The following UBA6 variants were observed in gnomAD, a reference collection of about 807,000 sequenced individuals.
UBA6 encodes ubiquitin like modifier activating enzyme 6.
Under a neutral mutation model 148.3 loss-of-function variants are expected in UBA6, and 87 were observed. The observed-to-expected ratio is 0.59, with a 90% CI of 0.49 to 0.70. The LOEUF is 0.70. Ranked by LOEUF, UBA6 falls within the 30% of genes least tolerant of loss-of-function variation. The pLI is 0.00. For synonymous variants in UBA6, 376 were observed against 401.0 expected, an observed-to-expected ratio of 0.94 and a Z score of 0.75; for missense variants, 1,186 against 1,241.2, an observed-to-expected ratio of 0.96 and a Z score of 0.67.
Position 67,677,656 on chromosome 4 carries a change from A to T in UBA6, c.420T>A (p.Val140=). ...NPYVHVTSSS[V]PFNETTDLSF... Reference sequence around the variant, plus strand: ...AGAGATCTGTGGTCTCATTGAAAGGAACAGAAGATGATGTGACATGAACGT... The same window carrying T: ...AGAGATCTGTGGTCTCATTGAAAGGTACAGAAGATGATGTGACATGAACGT... Residue 140 remains valine, a synonymous_variant, in exon 6 of 33, where the codon GTT becomes GTA. Coordinates refer to ENST00000322244, the MANE Select transcript of UBA6 (RefSeq NM_018227.6). The T allele has an allele frequency of 6.2e-7, 1 of 1,606,672 alleles. No individual in the cohort carries two copies. Among genetic ancestry groups the T allele is most frequent in the Non-Finnish European group, 8.5e-7 (1 of 1,174,158 alleles).
chr4:67,622,513 T>C (rs182630785), intron 32 of UBA6, among the ~76,000 whole-genome samples: 4 of 152,328 alleles, frequency 2.6e-5, no homozygotes, highest in Admixed American at 2.0e-4. Context: ...ATTTGTTGAA[T>C]AAATGAACAA....
At chr4:67,700,870 C>G in intron 1 of UBA6, among the ~76,000 whole-genome samples, 179 bp downstream of exon 1, 1 of 152,214 alleles carries the variant, frequency 6.6e-6, no homozygotes, top group East Asian at 1.9e-4. Context: ...CCGGCAACAG[C>G]AGAGGCCCTA....
chr4:67,673,869 T>TAA (rs1215624860), intron 6 of UBA6, 92 bp from the exon 7 acceptor site: 1 of 789,738 alleles, frequency 1.3e-6, no homozygotes, highest in Non-Finnish European at 2.0e-6. Flanking sequence ...TGCGTTGTGC[T>TAA]AAAGACACAT....
At chr4:67,663,538 T>C (rs1729916035) in intron 11 of UBA6, 2 of 349,614 alleles carry the variant, frequency 5.7e-6, no homozygotes, top group Non-Finnish European at 1.0e-5. Context: ...CAAGGCTTTT[T>C]TGGTAAGAAA....
intron 9 of UBA6, 148 bp from the exon 10 acceptor site, chr4:67,665,440 T>G (rs1331322683): frequency 1.8e-5 from 10 of 544,218 alleles, no homozygotes; most frequent in South Asian, 1.8e-4. Context: ...TGTTTTTTTT[T>G]TTTTTTAATG....
chr4:67,648,064 C>T (rs1358011432), intron 14 of UBA6, among the ~76,000 whole-genome samples: 3 of 151,614 alleles, frequency 2.0e-5, no homozygotes, highest in Non-Finnish European at 2.9e-5. Flanking sequence ...TGAGCCACTG[C>T]GCCTGCCTTA....
At chr4:67,683,242 T>C (rs1730482710) in intron 2 of UBA6, among the ~76,000 whole-genome samples, 1 of 152,216 alleles carries the variant, frequency 6.6e-6, no homozygotes, top group Admixed American at 6.5e-5. Flanking sequence ...ACCACCCTTA[T>C]GCGTACCCAG....
At chr4:67,635,615 A>G in intron 19 of UBA6, 57 bp from the exon 20 acceptor site, 1 of 1,041,486 alleles carries the variant, frequency 9.6e-7, no homozygotes, top group Non-Finnish European at 1.5e-6. Context: ...AATGTAACCA[A>G]AGGACAACCT....
intron 1 of UBA6, among the ~76,000 whole-genome samples, chr4:67,697,862 A>C (rs1730877350): frequency 6.6e-6 from 1 of 152,206 alleles, no homozygotes; most frequent in Non-Finnish European, 1.5e-5. Context: ...AAATATCTTA[A>C]AATGCAGTCA....
intron 13 of UBA6, among the ~76,000 whole-genome samples, chr4:67,652,149 G>C (rs756325323): frequency 1.3e-5 from 2 of 152,078 alleles, no homozygotes; most frequent in Non-Finnish European, 2.9e-5. Flanking sequence ...TATTCTTTTT[G>C]TGATTTGATA....
intron 14 of UBA6, among the ~76,000 whole-genome samples, chr4:67,647,187 T>C (rs1416268243): frequency 2.6e-5 from 4 of 152,224 alleles, no homozygotes; most frequent in Non-Finnish European, 5.9e-5. Flanking sequence ...TTTTGATTTT[T>C]TGAGACAGAG....
intron 14 of UBA6, 33 bp from the exon 15 acceptor site, chr4:67,646,824 T>C (rs184706286): frequency 3.6e-6 from 5 of 1,398,090 alleles, no homozygotes; most frequent in African/African-American, 1.5e-5. Context: ...ACAATTATTA[T>C]GTATAAAACA....
At chr4:67,668,525 T>G in intron 9 of UBA6, 26 bp downstream of exon 9, 1 of 1,595,218 alleles carries the variant, frequency 6.3e-7, no homozygotes, top group East Asian at 2.2e-5. Context: ...TAAGTATAAA[T>G]GAATTAATAA....
rs142896122 is a variant in UBA6 at position 67,666,422 on chromosome 4, G to C, written c.794-1130C>G. Among the ~76,000 whole-genome samples, 1,199 of 150,856 alleles carry C rather than the reference G, an allele frequency of 7.9e-3. 15 individuals carry two copies. The highest frequency in any genetic ancestry group is 0.028 in the African/African-American group (1,144 of 41,172). On this transcript the variant is annotated intron_variant, in intron 9 of 32. Coordinates refer to ENST00000322244, the MANE Select transcript of UBA6 (RefSeq NM_018227.6). Reference sequence around the variant, plus strand: ...GTATATATAGTAAACATATAAAGTAGACAGAATGGTCAGCAGAGTGAACAC... The same window carrying C: ...GTATATATAGTAAACATATAAAGTACACAGAATGGTCAGCAGAGTGAACAC...
chr4:67,696,763 T>C, intron 1 of UBA6, 56 bp from the exon 2 acceptor site: 1 of 1,396,344 alleles, frequency 7.2e-7, no homozygotes, highest in Non-Finnish European at 1.0e-6. Flanking sequence ...AATATTTGAT[T>C]ACTTGTGTGA....
Position 67,644,240 on chromosome 4 carries a change from T to C in UBA6, c.1476+458A>G, listed in dbSNP as rs191165774. Among the ~76,000 whole-genome samples, 4 of 152,258 alleles carry C rather than the reference T, an allele frequency of 2.6e-5. No homozygotes were observed. In the East Asian group the frequency reaches 7.7e-4, roughly 29 times the overall value. On this transcript the variant is annotated intron_variant, in intron 17 of 32. Coordinates refer to ENST00000322244, the MANE Select transcript of UBA6 (RefSeq NM_018227.6). ...TTTAGAGTCTTAAGAATTTAAATTG[T>C]ACACTGAGCTTTATATTTTTCCCAC...
chr4:67,626,198 C>T (rs1728863066), intron 28 of UBA6, among the ~76,000 whole-genome samples, 162 bp downstream of exon 28: 1 of 151,880 alleles, frequency 6.6e-6, no homozygotes. Flanking sequence ...TGAATTTAGT[C>T]ACAGTTAAAG....
rs926966919 is a variant in UBA6, at chr4:67,626,384, T to C, written c.2494A>G (p.Ile832Val). 5 of 1,610,392 alleles carry C rather than the reference T, an allele frequency of 3.1e-6. No individual in the cohort carries two copies. Among genetic ancestry groups the C allele is most frequent in the African/African-American group, 1.3e-5 (1 of 74,924 alleles). Reference protein sequence around the residue: ...RNAIFQLEKAILSNEATKSDL... With the variant: ...RNAIFQLEKAVLSNEATKSDL... ...CTTTTGGTGGCTTCATTAGATAAAA[T>C]AGCCTTTTCTAGTTGGAAAATTGCA... Residue 832 changes from isoleucine (I) to valine (V), a missense_variant, in exon 28 of 33, where the codon ATT becomes GTT. Physicochemically the swap from Ile to Val is conservative, Grantham distance 29. Coordinates refer to ENST00000322244, the MANE Select transcript of UBA6 (RefSeq NM_018227.6).
Position 67,614,578 on chromosome 4 carries a change from A to G in UBA6, c.*4419T>C, listed in dbSNP as rs908839328. The G allele has an allele frequency of 6.6e-6, 1 of 152,210 alleles. No homozygotes were observed. Among genetic ancestry groups the G allele is most frequent in the Non-Finnish European group, 1.5e-5 (1 of 68,024 alleles). The allele number at this position is 152,210 out of a possible 1,614,324, so 9.4% of individuals were successfully genotyped here. A position where few individuals can be genotyped will look rare whatever the true frequency, so the allele number is the denominator to read the frequency against. ...CTAGCATACACCAAATTAATTCCTC[A>G]TGAAAAAAATTTAAATATGAAAGGC... On this transcript the variant is annotated 3_prime_UTR_variant, in exon 33 of 33. Coordinates refer to ENST00000322244, the MANE Select transcript of UBA6 (RefSeq NM_018227.6).
Sources: allele counts gnomAD v4.1 joint callset (sites outside exome capture counted in the v4.1 genomes callset), GRCh38; gene constraint gnomAD v4.1.1; transcripts MANE v1.5; gene names NCBI Gene and HGNC (gene_info 2026-07-23, HGNC 2026-07-21).